The following NUBPL variants were observed in gnomAD, a reference collection of about 807,000 sequenced individuals.
NUBPL encodes the protein NUBP iron-sulfur cluster assembly factor, mitochondrial, also known as iron-sulfur cluster transfer protein NUBPL.
NUBPL carries 31 observed loss-of-function variants against 45.7 expected under a neutral mutation model. That is an observed-to-expected ratio of 0.68 (90% CI 0.51 to 0.92). NUBPL has a LOEUF of 0.92. NUBPL is among the 40% of genes least tolerant of loss of function. The probability of loss-of-function intolerance (pLI) is 0.00; values close to 1 mark genes in which losing one functional copy is unlikely to be tolerated. For synonymous variants in NUBPL, 144 were observed against 140.9 expected, an observed-to-expected ratio of 1.02 and a Z score of -0.15; for missense variants, 401 against 398.7, an observed-to-expected ratio of 1.01 and a Z score of -0.05.
At position 31,569,783 on chromosome 14, in the gene NUBPL, T is replaced by C. The variant is rs188639124; in HGVS notation, c.291+4735T>C. ...GATGGGAATATTTAAACCATGGAAA[T>C]TGGCAAACACTGAAAATCAAGCCCA... On this transcript the variant is annotated intron_variant, in intron 3 of 10. Coordinates refer to ENST00000281081, the MANE Select transcript of NUBPL (RefSeq NM_025152.3). Among the ~76,000 whole-genome samples the C allele has an allele frequency of 2.1e-3, 317 of 152,306 alleles. 1 individual carries two copies. The highest frequency in any genetic ancestry group is 7.3e-3 in the African/African-American group (302 of 41,560).
At chr14:31,787,388 A>T (rs1468227927) in intron 6 of NUBPL, among the ~76,000 whole-genome samples, 2 of 152,076 alleles carry the variant, frequency 1.3e-5, no homozygotes, top group Non-Finnish European at 1.5e-5. Flanking sequence ...TAATAAACTT[A>T]AAAAAATTAT....
intron 6 of NUBPL, among the ~76,000 whole-genome samples, chr14:31,710,866 A>G (rs540148896): frequency 1.3e-4 from 20 of 152,274 alleles, no homozygotes; most frequent in Admixed American, 4.6e-4. Flanking sequence ...TCCCCCTACA[A>G]TGGGGCTTTG....
At chr14:31,781,401 C>T (rs1481932495) in intron 6 of NUBPL, among the ~76,000 whole-genome samples, 1 of 152,144 alleles carries the variant, frequency 6.6e-6, no homozygotes, top group Non-Finnish European at 1.5e-5. Context: ...ACAGTGCAGA[C>T]ATATAAAACT....
chr14:31,813,932 C>T (rs1175891342), intron 7 of NUBPL, among the ~76,000 whole-genome samples: 1 of 152,202 alleles, frequency 6.6e-6, no homozygotes, highest in Non-Finnish European at 1.5e-5. Context: ...TCCAGTCCAT[C>T]ATTGATGGGC....
chr14:31,601,255 A>C (rs1032032962), intron 4 of NUBPL, among the ~76,000 whole-genome samples: 3 of 151,262 alleles, frequency 2.0e-5, no homozygotes, highest in Non-Finnish European at 4.4e-5. Context: ...TTGGTTCCAT[A>C]TGAACTTTAA....
Position 31,756,452 on chromosome 14 carries a change from G to C in NUBPL, c.514-31328G>C, listed in dbSNP as rs373815076. Reference sequence around the variant, plus strand: ...GTTGGATTCCTAGGAGTTTTATTCTGTTTGAAGCAATTGTGAATGGGAGTT... The same window carrying C: ...GTTGGATTCCTAGGAGTTTTATTCTCTTTGAAGCAATTGTGAATGGGAGTT... On this transcript the variant is annotated intron_variant, in intron 6 of 10. Transcript: ENST00000281081. 2.9e-3 allele frequency among the ~76,000 whole-genome samples: 437 copies of C among 151,218 alleles called. 1 individual carries two copies. The highest frequency in any genetic ancestry group is 9.4e-3 in the African/African-American group (382 of 40,598).
intron 4 of NUBPL, among the ~76,000 whole-genome samples, chr14:31,611,545 A>G (rs778933287): frequency 3.9e-5 from 6 of 152,192 alleles, no homozygotes; most frequent in Non-Finnish European, 8.8e-5. Context: ...TACCAATATC[A>G]TTCTTCATGG....
intron 3 of NUBPL, among the ~76,000 whole-genome samples, chr14:31,582,890 T>C (rs1184184359): frequency 6.6e-6 from 1 of 152,120 alleles, no homozygotes; most frequent in Non-Finnish European, 1.5e-5. Context: ...ATTTAGGGAG[T>C]CTACCAAATG....
At chr14:31,857,437 G>A (rs1159044958) in intron 10 of NUBPL, among the ~76,000 whole-genome samples, 1 of 152,154 alleles carries the variant, frequency 6.6e-6, no homozygotes, top group Non-Finnish European at 1.5e-5. Flanking sequence ...TTAACATTCG[G>A]CTCCTAGTTA....
At chr14:31,608,849 C>T (rs188628271) in intron 4 of NUBPL, among the ~76,000 whole-genome samples, 103 of 152,210 alleles carry the variant, frequency 6.8e-4, no homozygotes, top group African/African-American at 2.3e-3. Context: ...TACTGGTTTG[C>T]GGCCTGGGGG....
intron 6 of NUBPL, among the ~76,000 whole-genome samples, chr14:31,705,961 C>G (rs546393405): frequency 1.3e-5 from 2 of 152,178 alleles, no homozygotes; most frequent in African/African-American, 4.8e-5. Context: ...AGCCCCAGCT[C>G]CCACCCGTGC....
At chr14:31,731,149 G>T (rs2038040317) in intron 6 of NUBPL, among the ~76,000 whole-genome samples, 1 of 152,132 alleles carries the variant, frequency 6.6e-6, no homozygotes, top group African/African-American at 2.4e-5. Flanking sequence ...TAGTAAAACT[G>T]AAAAACACAC....
chr14:31,567,016 C>T (rs2033453314), intron 3 of NUBPL, among the ~76,000 whole-genome samples: 1 of 152,142 alleles, frequency 6.6e-6, no homozygotes, highest in Admixed American at 6.5e-5. Context: ...GAAACTAATA[C>T]ATATAGGAAG....
chr14:31,641,353 A>G (rs2035693643), intron 4 of NUBPL, among the ~76,000 whole-genome samples: 1 of 152,126 alleles, frequency 6.6e-6, no homozygotes, highest in Non-Finnish European at 1.5e-5. Flanking sequence ...GGCCTCTGGT[A>G]ACCACCAGTC....
At chr14:31,688,409 C>T (rs1295773515) in intron 6 of NUBPL, among the ~76,000 whole-genome samples, 1 of 151,640 alleles carries the variant, frequency 6.6e-6, no homozygotes, top group Non-Finnish European at 1.5e-5. Context: ...AACCCCGTCT[C>T]TACTAAAAAT....
intron 10 of NUBPL, 98 bp downstream of exon 10, chr14:31,850,299 C>T: frequency 2.3e-6 from 2 of 875,442 alleles, no homozygotes; most frequent in Non-Finnish European, 3.7e-6. Context: ...ATTTGCAGTG[C>T]ATATATATTT....
At chr14:31,838,298 A>AAAAG (rs2040316442) in intron 8 of NUBPL, among the ~76,000 whole-genome samples, 1 of 72,952 alleles carries the variant, frequency 1.4e-5, no homozygotes, top group African/African-American at 3.3e-5. Context: ...AAAAAAAAAA[A>AAAAG]AGAGAGAGAC....
intron 3 of NUBPL, among the ~76,000 whole-genome samples, chr14:31,567,288 A>G (rs368239069): frequency 6.6e-6 from 1 of 152,222 alleles, no homozygotes; most frequent in East Asian, 1.9e-4. Context: ...TAAAAGTGCC[A>G]CAAACATGCG....
chr14:31,629,440 G>A (rs1000184767), intron 4 of NUBPL, among the ~76,000 whole-genome samples: 1 of 152,084 alleles, frequency 6.6e-6, no homozygotes, highest in Non-Finnish European at 1.5e-5. Context: ...ATGTTAAGGT[G>A]GCTGGAATTG....
Sources: allele counts gnomAD v4.1 joint callset (sites outside exome capture counted in the v4.1 genomes callset), GRCh38; gene constraint gnomAD v4.1.1; transcripts MANE v1.5; gene names NCBI Gene and HGNC (gene_info 2026-07-23, HGNC 2026-07-21).